The following PLXDC2 variants were observed in gnomAD, a reference collection of about 807,000 sequenced individuals.
PLXDC2 encodes plexin domain containing 2.
In PLXDC2, 40 loss-of-function variants were observed where a neutral mutation model predicts 68.9. The ratio of observed to expected loss-of-function variants is 0.58; its 90% confidence interval spans 0.45 to 0.76. The LOEUF (loss-of-function observed/expected upper bound fraction) is 0.76. Among genes scored for constraint, PLXDC2 ranks in the 30% least tolerant of loss-of-function variants. The probability of loss-of-function intolerance (pLI) is 0.00; values close to 1 mark genes in which losing one functional copy is unlikely to be tolerated. For missense variants in PLXDC2, 644 were observed against 661.9 expected (o/e 0.97, Z 0.30); for synonymous variants, 243 against 234.2 (o/e 1.04, Z -0.34).
At chr10:19,854,177 G>C (rs74119758) in intron 1 of PLXDC2, among the ~76,000 whole-genome samples, 29,828 of 152,066 alleles carry the variant, frequency 0.2, 3,146 homozygotes, top group African/African-American at 0.3. Context: ...CCCTGCAGCA[G>C]GGCGAGTGGA....
intron 2 of PLXDC2, among the ~76,000 whole-genome samples, chr10:20,042,865 C>T (rs980728605): frequency 3.3e-5 from 5 of 152,150 alleles, no homozygotes; most frequent in Non-Finnish European, 7.3e-5. Flanking sequence ...TTTCGAGAAA[C>T]ATGGATTTAT....
intron 2 of PLXDC2, among the ~76,000 whole-genome samples, chr10:20,017,200 C>A (rs1472377604): frequency 6.6e-6 from 1 of 152,194 alleles, no homozygotes; most frequent in Non-Finnish European, 1.5e-5. Context: ...AACTGCCCTC[C>A]CTGAGTGCTG....
chr10:20,040,588 G>A (rs180948744), intron 2 of PLXDC2, among the ~76,000 whole-genome samples: 1 of 152,248 alleles, frequency 6.6e-6, no homozygotes, highest in Admixed American at 6.5e-5. Context: ...ATTGCAGGGT[G>A]GCCAGACTGT....
intron 13 of PLXDC2, among the ~76,000 whole-genome samples, chr10:20,268,567 G>A (rs1439980471): frequency 1.3e-5 from 2 of 152,128 alleles, no homozygotes; most frequent in African/African-American, 4.8e-5. Context: ...ATTAAATATG[G>A]AGTAAAGCAC....
chr10:19,925,201 G>A (rs1319750863), intron 1 of PLXDC2, among the ~76,000 whole-genome samples: 1 of 152,126 alleles, frequency 6.6e-6, no homozygotes, highest in Non-Finnish European at 1.5e-5. Context: ...ACTTATTGCA[G>A]CTCAGCTGGA....
At chr10:19,963,843 AAAAAC>A (rs1314006266) in intron 1 of PLXDC2, among the ~76,000 whole-genome samples, 1 of 152,142 alleles carries the variant, frequency 6.6e-6, no homozygotes, top group Non-Finnish European at 1.5e-5. Flanking sequence ...TAATAAAAAA[AAAAAC>A]AAAAAACAAG....
intron 2 of PLXDC2, among the ~76,000 whole-genome samples, chr10:20,024,335 C>A (rs1589592395): frequency 6.6e-6 from 1 of 152,126 alleles, no homozygotes; most frequent in African/African-American, 2.4e-5. Flanking sequence ...TAATCTAGTG[C>A]ATAGACCTAT....
intron 1 of PLXDC2, among the ~76,000 whole-genome samples, chr10:19,991,901 A>G (rs1306746134): frequency 6.6e-6 from 1 of 152,198 alleles, no homozygotes; most frequent in Admixed American, 6.5e-5. Flanking sequence ...GTCCTTGTTT[A>G]CAGAATTTTC....
intron 1 of PLXDC2, among the ~76,000 whole-genome samples, chr10:19,848,973 T>A (rs1363077450): frequency 6.6e-6 from 1 of 152,202 alleles, no homozygotes; most frequent in Admixed American, 6.5e-5. Flanking sequence ...GACGAAGGAA[T>A]CCCTGTTAAT....
rs778296579 is a variant in PLXDC2, at chr10:20,164,488, G to T, written c.804G>T (p.Gln268His). The change falls in exon 7 of 14, where the codon CAG becomes CAT. Residue 268 changes from glutamine (Q) to histidine (H), a missense_variant. Coordinates refer to ENST00000377252, the MANE Select transcript of PLXDC2 (RefSeq NM_032812.9). Reference protein sequence around the residue: ...GYKEIPVLVTQISSTNHPVKV... With the variant: ...GYKEIPVLVTHISSTNHPVKV... Reference sequence around the variant, plus strand: ...TCCAGATTCCTGTCTTGGTCACACAGATAAGTTCAACCAATCATCCAGTGA... The same window carrying T: ...TCCAGATTCCTGTCTTGGTCACACATATAAGTTCAACCAATCATCCAGTGA... 6.2e-7 allele frequency: 1 copy of T among 1,613,144 alleles called. No individual in the cohort carries two copies. Among genetic ancestry groups the T allele is most frequent in the Non-Finnish European group, 8.5e-7 (1 of 1,179,478 alleles).
intron 1 of PLXDC2, among the ~76,000 whole-genome samples, chr10:19,831,142 A>G (rs1836683603): frequency 6.6e-6 from 1 of 152,218 alleles, no homozygotes; most frequent in East Asian, 1.9e-4. Context: ...CATTAAAATG[A>G]TTCAAATCTC....
intron 7 of PLXDC2, among the ~76,000 whole-genome samples, chr10:20,174,896 C>G (rs1834505555): frequency 6.6e-6 from 1 of 152,096 alleles, no homozygotes; most frequent in Non-Finnish European, 1.5e-5. Flanking sequence ...TCTTCCTTTT[C>G]TGAACACTTC....
chr10:20,113,851 T>C (rs2460587), intron 4 of PLXDC2, among the ~76,000 whole-genome samples: 90,171 of 152,000 alleles, frequency 0.59, 29,717 homozygotes, highest in Non-Finnish European at 0.74. Context: ...TGTGGCTGGG[T>C]GTGGTGTCTC....
intron 13 of PLXDC2, among the ~76,000 whole-genome samples, chr10:20,255,319 G>C (rs1302272766): frequency 6.6e-6 from 1 of 152,118 alleles, no homozygotes; most frequent in Non-Finnish European, 1.5e-5. Flanking sequence ...TTGGGCATTT[G>C]TAAGCCTGAA....
At chr10:20,246,860 T>C (rs1453486374) in intron 13 of PLXDC2, among the ~76,000 whole-genome samples, 3 of 152,222 alleles carry the variant, frequency 2.0e-5, no homozygotes, top group African/African-American at 4.8e-5. Context: ...TTTTAATGAC[T>C]TTTAAACTAT....
chr10:20,078,810 CAG>C (rs1011092224), intron 4 of PLXDC2, among the ~76,000 whole-genome samples: 1 of 152,112 alleles, frequency 6.6e-6, no homozygotes, highest in African/African-American at 2.4e-5. Flanking sequence ...CACTATTTGT[CAG>C]AGTTTATTTC....
At chr10:20,169,572 C>G (rs925787180) in intron 7 of PLXDC2, among the ~76,000 whole-genome samples, 1 of 152,168 alleles carries the variant, frequency 6.6e-6, no homozygotes. Flanking sequence ...ATTTGTTTCT[C>G]TCTCCTCCAA....
At chr10:20,249,943 G>A (rs987552136) in intron 13 of PLXDC2, among the ~76,000 whole-genome samples, 10 of 152,086 alleles carry the variant, frequency 6.6e-5, no homozygotes, top group African/African-American at 2.4e-4. Context: ...GTTAGTTCCT[G>A]TGCTAAACAG....
At chr10:20,090,072 A>G (rs890725928) in intron 4 of PLXDC2, among the ~76,000 whole-genome samples, 1 of 152,304 alleles carries the variant, frequency 6.6e-6, no homozygotes, top group African/African-American at 2.4e-5. Flanking sequence ...CCACAAATGA[A>G]GCTGAATCTT....
Sources: gnomAD v4.1 joint callset for allele counts (sites outside exome capture counted in the v4.1 genomes callset) on GRCh38, gnomAD v4.1.1 for gene constraint, MANE v1.5 for transcripts, NCBI Gene and HGNC (gene_info 2026-07-23, HGNC 2026-07-21) for gene names.